The following PRR11 variants were observed in gnomAD, a reference collection of about 807,000 sequenced individuals.
PRR11 encodes the protein proline rich 11.
In PRR11, 30 loss-of-function variants were observed where a neutral mutation model predicts 45.6. That is an observed-to-expected ratio of 0.66 (90% CI 0.49 to 0.89). PRR11 has a LOEUF of 0.89. Ranked by LOEUF, PRR11 falls within the 40% of genes least tolerant of loss-of-function variation. PRR11 has a pLI of 0.00. For synonymous variants in PRR11, 128 were observed against 153.5 expected (o/e 0.83, Z 1.23); for missense variants, 373 against 424.8 (o/e 0.88, Z 1.07).
At chr17:59,174,789 G>C (rs538007956) in intron 2 of PRR11, among the ~76,000 whole-genome samples, 15 of 152,198 alleles carry the variant, frequency 9.9e-5, no homozygotes, top group African/African-American at 3.4e-4. Context: ...TAGGAAACGC[G>C]GTGCGATCTC....
chr17:59,167,689 C>T (rs1260379449), intron 1 of PRR11, among the ~76,000 whole-genome samples: 1 of 152,124 alleles, frequency 6.6e-6, no homozygotes, highest in African/African-American at 2.4e-5. Context: ...AGGGTTCCTT[C>T]CCTTTTTAGA....
At chr17:59,169,901 GA>G (rs1196237043) in intron 2 of PRR11, 21 bp downstream of exon 2, 1 of 1,578,808 alleles carries the variant, frequency 6.3e-7, no homozygotes, top group South Asian at 1.2e-5. Context: ...ATGTGGAACA[GA>G]AAAAATATTA....
chr17:59,172,778 T>C (rs961030560), intron 2 of PRR11, among the ~76,000 whole-genome samples: 2 of 152,256 alleles, frequency 1.3e-5, no homozygotes, highest in Non-Finnish European at 2.9e-5. Flanking sequence ...GCTCGGGACC[T>C]GCAGCCCGCC....
intron 2 of PRR11, among the ~76,000 whole-genome samples, chr17:59,178,870 T>C (rs2046764379): frequency 6.6e-6 from 1 of 152,136 alleles, no homozygotes; most frequent in African/African-American, 2.4e-5. Flanking sequence ...CACATCAGGG[T>C]GTGACTATGG....
intron 2 of PRR11, among the ~76,000 whole-genome samples, chr17:59,183,848 A>G (rs538916800): frequency 6.6e-5 from 10 of 152,294 alleles, no homozygotes; most frequent in African/African-American, 2.4e-4. Flanking sequence ...TTGTAATCCC[A>G]GCACTTTGGG....
chr17:59,183,615 C>T (rs1055084194), intron 2 of PRR11, among the ~76,000 whole-genome samples: 5 of 152,152 alleles, frequency 3.3e-5, no homozygotes, highest in African/African-American at 1.2e-4. Context: ...CATGAGCTCA[C>T]TCATATTTCC....
At chr17:59,169,271 T>A (rs1396227370) in intron 1 of PRR11, among the ~76,000 whole-genome samples, 1 of 151,898 alleles carries the variant, frequency 6.6e-6, no homozygotes, top group African/African-American at 2.4e-5. Flanking sequence ...GCTGATTTTG[T>A]ATTTTTAGTA....
intron 1 of PRR11, among the ~76,000 whole-genome samples, chr17:59,158,582 G>A (rs1343429728): frequency 6.6e-6 from 1 of 152,206 alleles, no homozygotes; most frequent in African/African-American, 2.4e-5. Context: ...CAGAAAGAGT[G>A]TGTGTACAAA....
At chr17:59,177,216 G>C (rs879107012) in intron 2 of PRR11, 1 of 547,992 alleles carries the variant, frequency 1.8e-6, no homozygotes, top group Non-Finnish European at 3.7e-6. Flanking sequence ...AGAAGAGGCC[G>C]GCGCGGCTAA....
chr17:59,179,320 G>C (rs2046767609), intron 2 of PRR11, among the ~76,000 whole-genome samples: 3 of 152,224 alleles, frequency 2.0e-5, no homozygotes, highest in South Asian at 4.1e-4. Context: ...CACCCCGGCT[G>C]GAGTGCAGTG....
intron 4 of PRR11, among the ~76,000 whole-genome samples, chr17:59,188,174 A>G (rs2046823108): frequency 6.6e-6 from 1 of 152,206 alleles, no homozygotes; most frequent in Non-Finnish European, 1.5e-5. Flanking sequence ...GCAAAAATGT[A>G]TATTGGGAGG....
chr17:59,198,393 T>C (rs889850623), intron 9 of PRR11, among the ~76,000 whole-genome samples: 4 of 150,908 alleles, frequency 2.7e-5, no homozygotes, highest in African/African-American at 4.9e-5. Flanking sequence ...AATACAAAAA[T>C]GGCCGGGCAC....
At chr17:59,172,489 G>C (rs1401503507) in intron 2 of PRR11, among the ~76,000 whole-genome samples, 1 of 152,208 alleles carries the variant, frequency 6.6e-6, no homozygotes, top group Non-Finnish European at 1.5e-5. Flanking sequence ...GCCAAGGCCG[G>C]AGCCAGCTCC....
At chr17:59,158,068 G>A (rs1215075317) in intron 1 of PRR11, among the ~76,000 whole-genome samples, 2 of 152,126 alleles carry the variant, frequency 1.3e-5, no homozygotes, top group African/African-American at 4.8e-5. Context: ...TTTTAAGCAA[G>A]GGAATATCTA....
chr17:59,162,213 GAC>G (rs58983044), intron 1 of PRR11, among the ~76,000 whole-genome samples: 8,353 of 139,266 alleles, frequency 0.06, 422 homozygotes, highest in African/African-American at 0.15. Flanking sequence ...ACCCAAGTCA[GAC>G]ACACACACAC....
rs764183449 is a variant in PRR11, at chr17:59,185,543, A to G, written c.383A>G (p.Lys128Arg). 1 of 1,608,922 alleles carries G rather than the reference A, an allele frequency of 6.2e-7. No individual in the cohort carries two copies. ...QFCILESKLC[K>R]LQEALKTISE... ...TGCATTTTGGAAAGTAAATTATGCA[A>G]GCTCCAGGAAGCACTGAAGGTTGGT... The change falls in exon 4 of 10, where the codon AAG (lysine) becomes AGG (arginine). Residue 128 changes from lysine to arginine, a missense_variant. Coordinates refer to ENST00000262293, the MANE Select transcript of PRR11 (RefSeq NM_018304.4).
chr17:59,174,350 T>C (rs939027048), intron 2 of PRR11, among the ~76,000 whole-genome samples: 12 of 152,220 alleles, frequency 7.9e-5, no homozygotes, highest in Non-Finnish European at 1.8e-4. Flanking sequence ...TACCTCCTCA[T>C]GATGAAGTCT....
chr17:59,170,791 AC>A (rs1478556410), intron 2 of PRR11, among the ~76,000 whole-genome samples: 1 of 151,996 alleles, frequency 6.6e-6, no homozygotes, highest in African/African-American at 2.4e-5. Context: ...AATAACCAAA[AC>A]CCCATTAAGG....
At chr17:59,174,922 C>G in intron 2 of PRR11, 2 of 1,055,294 alleles carry the variant, frequency 1.9e-6, no homozygotes, top group Non-Finnish European at 2.8e-6. Context: ...CCACCTGATT[C>G]CTCCCCACCT....
Sources: gnomAD v4.1 joint callset for allele counts (sites outside exome capture counted in the v4.1 genomes callset) on GRCh38, gnomAD v4.1.1 for gene constraint, MANE v1.5 for transcripts, NCBI Gene and HGNC (gene_info 2026-07-23, HGNC 2026-07-21) for gene names.